GRM1: variants seen among roughly 807,000 people sequenced by gnomAD.
GRM1 encodes metabotropic glutamate receptor 1.
A neutral mutation model predicts 90.9 loss-of-function variants in GRM1; 33 were observed. The observed-to-expected ratio is 0.36, with a 90% confidence interval of 0.28 to 0.49. The LOEUF (loss-of-function observed/expected upper bound fraction) is 0.49, where lower values mean the gene tolerates loss of function less well. Ranked by LOEUF, GRM1 falls within the 20% of genes least tolerant of loss-of-function variation. GRM1 has a pLI of 0.99. For synonymous variants in GRM1, 700 were observed against 613.2 expected, an observed-to-expected ratio of 1.14 and a Z score of -2.09; for missense variants, 1,190 against 1,534.3, an observed-to-expected ratio of 0.78 and a Z score of 3.75.
At chr6:146,211,136 A>G (rs995955769) in intron 2 of GRM1, among the ~76,000 whole-genome samples, 1 of 152,080 alleles carries the variant, frequency 6.6e-6, no homozygotes, top group Non-Finnish European at 1.5e-5. Context: ...AAAAAAAAAA[A>G]AACATTTGGC....
intron 2 of GRM1, among the ~76,000 whole-genome samples, chr6:146,206,561 C>T (rs1779500564): frequency 6.6e-6 from 1 of 152,004 alleles, no homozygotes. Context: ...CTTTCTCCCC[C>T]TAAAATCTAC....
rs960076521 is a variant in GRM1 at position 146,148,135 on chromosome 6, A to G, written c.701-11213A>G. On this transcript the variant is annotated intron_variant, in intron 1 of 7. Coordinates refer to ENST00000282753, the MANE Select transcript of GRM1 (RefSeq NM_001278064.2). ...TTATGTGGGCATTATGAGCGGTTCA[A>G]TTCCCTTCTGGAAAAATTTCCCAAA... Among the ~76,000 whole-genome samples the G allele has an allele frequency of 2.0e-5, 3 of 152,178 alleles. No homozygotes were observed. In the South Asian group the frequency reaches 6.2e-4, roughly 31 times the overall value.
intron 1 of GRM1, among the ~76,000 whole-genome samples, chr6:146,135,435 T>G (rs1013872007): frequency 6.6e-6 from 1 of 152,204 alleles, no homozygotes; most frequent in Non-Finnish European, 1.5e-5. Context: ...TGATGTGAAG[T>G]GGTGTGGAAT....
At chr6:146,299,888 A>G (rs763071186) in intron 2 of GRM1, among the ~76,000 whole-genome samples, 34 of 152,138 alleles carry the variant, frequency 2.2e-4, no homozygotes, top group Non-Finnish European at 4.3e-4. Context: ...ATTTGAAAAC[A>G]TCCAAGCAGT....
At position 146,434,215 on chromosome 6, in the gene GRM1, C is replaced by A; in HGVS notation, c.3004C>A (p.Leu1002Ile). Residue 1002 changes from leucine to isoleucine, a missense_variant, in exon 8 of 8, where the codon CTC becomes ATC. By Grantham distance (5) the Leu-to-Ile change is conservative. Transcript: ENST00000282753. ...CCACCTGACCGCAGAGGAGACCCCC[C>A]TCTTCCTGGCCGAACCAGCCCTCCC... is the stretch of plus-strand genomic sequence containing the variant. Reference protein sequence around the residue: ...PSHLTAEETPLFLAEPALPKG... With the variant: ...PSHLTAEETPIFLAEPALPKG... 2 of 1,608,770 alleles carry A rather than the reference C, an allele frequency of 1.2e-6. No homozygotes were observed. The highest frequency in any genetic ancestry group is 1.7e-6 in the Non-Finnish European group (2 of 1,176,294).
At chr6:146,051,835 ATCT>A (rs1562430645) in intron 1 of GRM1, among the ~76,000 whole-genome samples, 4 of 152,034 alleles carry the variant, frequency 2.6e-5, no homozygotes, top group African/African-American at 9.7e-5. Context: ...CCCTTATATA[ATCT>A]TCTTGGTTTA....
rs117324474 is a variant in GRM1, at chr6:146,378,615, A to G, written c.1603-8275A>G. Reference sequence around the variant, plus strand: ...TACCCAATTCCTGTACCCTCATTGTATCTAGCATTGTGTCTAGGAAGTAAC... The same window carrying G: ...TACCCAATTCCTGTACCCTCATTGTGTCTAGCATTGTGTCTAGGAAGTAAC... On this transcript the variant is annotated intron_variant, in intron 5 of 7. Coordinates refer to ENST00000282753, the MANE Select transcript of GRM1 (RefSeq NM_001278064.2). 6.1e-3 allele frequency among the ~76,000 whole-genome samples: 929 copies of G among 152,294 alleles called. 34 individuals carry two copies. The East Asian group carries it at 0.11, about 18-fold the overall frequency.
chr6:146,198,341 C>T (rs1779188779), intron 2 of GRM1, among the ~76,000 whole-genome samples: 1 of 152,206 alleles, frequency 6.6e-6, no homozygotes, highest in South Asian at 2.1e-4. Context: ...AGACATGATA[C>T]AGCATCGACC....
intron 2 of GRM1, among the ~76,000 whole-genome samples, chr6:146,238,568 C>G (rs1182403781): frequency 6.6e-6 from 1 of 152,048 alleles, no homozygotes; most frequent in East Asian, 1.9e-4. Context: ...CAGTGTTCTT[C>G]CCACTACAGT....
At chr6:146,123,801 G>C (rs1382948543) in intron 1 of GRM1, among the ~76,000 whole-genome samples, 1 of 152,118 alleles carries the variant, frequency 6.6e-6, no homozygotes, top group Admixed American at 6.5e-5. Flanking sequence ...TTCTCCCACT[G>C]TTCTGGTCTC....
intron 1 of GRM1, among the ~76,000 whole-genome samples, chr6:146,042,600 A>C (rs901085201): frequency 3.3e-5 from 5 of 152,020 alleles, no homozygotes; most frequent in African/African-American, 1.2e-4. Context: ...AACATTTGGT[A>C]GCCTTTATTT....
intron 1 of GRM1, among the ~76,000 whole-genome samples, chr6:146,091,382 C>A (rs1776711000): frequency 6.6e-6 from 1 of 152,060 alleles, no homozygotes; most frequent in African/African-American, 2.4e-5. Context: ...AAAGCCTCTT[C>A]ATAGCTGATG....
chr6:146,302,405 T>C (rs1783423487), intron 2 of GRM1, among the ~76,000 whole-genome samples: 3 of 150,308 alleles, frequency 2.0e-5, no homozygotes, highest in South Asian at 4.2e-4. Context: ...AGGGTCTTGC[T>C]CTGTTGCCTA....
intron 2 of GRM1, among the ~76,000 whole-genome samples, chr6:146,213,684 T>TTAGATAGATAGATAGATAGA (rs750265154): frequency 7.5e-5 from 11 of 146,434 alleles, no homozygotes; most frequent in East Asian, 4.1e-4. Flanking sequence ...GATGGAAAGA[T>TTAGATAGATAGATAGATAGA]TAGATAGATA....
chr6:146,383,224 A>G (rs926816906), intron 5 of GRM1, among the ~76,000 whole-genome samples: 12 of 152,216 alleles, frequency 7.9e-5, no homozygotes, highest in African/African-American at 2.9e-4. Flanking sequence ...TAATGTATTC[A>G]GTCATTCAAA....
At chr6:146,198,128 A>G (rs913098632) in intron 2 of GRM1, among the ~76,000 whole-genome samples, 1 of 152,264 alleles carries the variant, frequency 6.6e-6, no homozygotes, top group African/African-American at 2.4e-5. Flanking sequence ...AATTGTACAC[A>G]TTAAATACAT....
chr6:146,259,377 C>T (rs778831879), intron 2 of GRM1, among the ~76,000 whole-genome samples: 62 of 152,130 alleles, frequency 4.1e-4, no homozygotes, highest in African/African-American at 1.3e-3. Flanking sequence ...GTATTGTTAA[C>T]GTTAGGCCCA....
At chr6:146,195,765 T>C (rs1562522514) in intron 2 of GRM1, among the ~76,000 whole-genome samples, 1 of 152,104 alleles carries the variant, frequency 6.6e-6, no homozygotes, top group Non-Finnish European at 1.5e-5. Flanking sequence ...AGAAAGGCGA[T>C]AGAGAGGGAA....
At chr6:146,035,329 T>A (rs368803202) in intron 1 of GRM1, among the ~76,000 whole-genome samples, 50 of 152,058 alleles carry the variant, frequency 3.3e-4, no homozygotes, top group African/African-American at 1.1e-3. Flanking sequence ...CCAAGCACAG[T>A]TAGACATGTG....
Sources: allele counts gnomAD v4.1 joint callset (sites outside exome capture counted in the v4.1 genomes callset), GRCh38; gene constraint gnomAD v4.1.1; transcripts MANE v1.5; gene names NCBI Gene and HGNC (gene_info 2026-07-23, HGNC 2026-07-21).